Variants in SVOP observed in about 807,000 individuals in gnomAD.
SVOP encodes synaptic vesicle 2-related protein.
SVOP carries 17 observed loss-of-function variants against 69.1 expected under a neutral mutation model. The ratio of observed to expected loss-of-function variants is 0.25; its 90% CI spans 0.17 to 0.37. The LOEUF is 0.37. Ranked by LOEUF, SVOP falls within the 10% of genes least tolerant of loss-of-function variation. The pLI is 1.00. For synonymous variants in SVOP, 238 were observed against 238.6 expected (o/e 1.00, Z 0.02); for missense variants, 435 against 597.5 (o/e 0.73, Z 2.84).
At position 108,911,118 on chromosome 12, in the gene SVOP, T is replaced by A. The variant is rs917402086; in HGVS notation, c.*1417A>T. 2.0e-5 allele frequency: 3 copies of A among 152,118 alleles called. No homozygotes were observed. The highest frequency in any genetic ancestry group is 7.2e-5 in the African/African-American group (3 of 41,420). 9.4% of individuals were successfully genotyped at this position (152,118 alleles called of 1,614,324 possible). On this transcript the variant is annotated 3_prime_UTR_variant, in exon 16 of 16. Transcript: ENST00000610966. Reference sequence around the variant, plus strand: ...CAAAACCAACTGGCCTCCCACTGCTTCCTTTGAAAACATATACATTTCACA... The same window carrying A: ...CAAAACCAACTGGCCTCCCACTGCTACCTTTGAAAACATATACATTTCACA...
chr12:109,007,114 C>T (rs886760217), intron 1 of SVOP, among the ~76,000 whole-genome samples: 1 of 152,094 alleles, frequency 6.6e-6, no homozygotes. Context: ...GGCTCCTCTG[C>T]CAGTGGAAGG....
At chr12:108,973,931 T>G (rs1225574078) in intron 4 of SVOP, among the ~76,000 whole-genome samples, 1 of 152,240 alleles carries the variant, frequency 6.6e-6, no homozygotes. Context: ...AGTCATCTGG[T>G]TTCCAATACC....
At chr12:108,927,059 T>C (rs747316344) in intron 11 of SVOP, among the ~76,000 whole-genome samples, 5 of 152,186 alleles carry the variant, frequency 3.3e-5, no homozygotes, top group Non-Finnish European at 5.9e-5. Flanking sequence ...TATAAAAGGT[T>C]GGGGTTCCCT....
chr12:108,949,535 G>A (rs925583115), intron 6 of SVOP, among the ~76,000 whole-genome samples: 1 of 152,064 alleles, frequency 6.6e-6, no homozygotes, highest in Non-Finnish European at 1.5e-5. Context: ...CTCCCAAAGT[G>A]CTGGGATTAC....
At chr12:108,949,664 TCTC>T (rs1329997397) in intron 6 of SVOP, among the ~76,000 whole-genome samples, 1 of 151,900 alleles carries the variant, frequency 6.6e-6, no homozygotes, top group Non-Finnish European at 1.5e-5. Context: ...TCCTTCCCTC[TCTC>T]CTACCTTTTC....
At position 108,908,736 on chromosome 12, in the gene SVOP, A is replaced by C. The variant is rs1224767132; in HGVS notation, c.*3799T>G. ...AGTGCTGATGAGAGCTCTGTGGCCT[A>C]CACATCCACGGCAGGCTCCTTGCAA... is the stretch of plus-strand genomic sequence containing the variant. On this transcript the variant is annotated 3_prime_UTR_variant, in exon 16 of 16. Transcript: ENST00000610966. 1.3e-5 allele frequency: 2 copies of C among 152,220 alleles called. No homozygotes were observed. Among genetic ancestry groups the C allele is most frequent in the Non-Finnish European group, 2.9e-5 (2 of 68,054 alleles). The allele number at this position is 152,220 out of a possible 1,614,324, so 9.4% of individuals were successfully genotyped here. A position where few individuals can be genotyped will look rare whatever the true frequency, so the allele number is the denominator to read the frequency against.
chr12:108,917,268 T>C (rs900281558), intron 14 of SVOP, among the ~76,000 whole-genome samples: 3 of 152,268 alleles, frequency 2.0e-5, no homozygotes, highest in Non-Finnish European at 4.4e-5. Flanking sequence ...CTGGATTATA[T>C]ATTGCACATA....
chr12:109,016,800 T>G (rs1194653220), intron 1 of SVOP, among the ~76,000 whole-genome samples: 3 of 150,718 alleles, frequency 2.0e-5, no homozygotes, highest in Non-Finnish European at 4.4e-5. Context: ...TGGAGTGCAG[T>G]GTCATGATCA....
intron 12 of SVOP, 62 bp from the exon 13 acceptor site, chr12:108,919,848 C>T (rs929443536): frequency 3.6e-5 from 41 of 1,128,750 alleles, no homozygotes; most frequent in African/African-American, 2.8e-4. Context: ...CCTCCATCCT[C>T]GTAGCACAGC....
At chr12:109,002,982 T>A (rs199492058) in intron 1 of SVOP, among the ~76,000 whole-genome samples, 1 of 104,544 alleles carries the variant, frequency 9.6e-6, no homozygotes, top group African/African-American at 3.6e-5. Context: ...AAATTAAAAA[T>A]AAATAAATAA....
At chr12:108,972,999 C>T (rs1366018607) in intron 4 of SVOP, among the ~76,000 whole-genome samples, 1 of 152,112 alleles carries the variant, frequency 6.6e-6, no homozygotes, top group Non-Finnish European at 1.5e-5. Context: ...TTGAATGATC[C>T]TACTCATATG....
chr12:109,002,556 C>T (rs1192552364), intron 1 of SVOP, among the ~76,000 whole-genome samples: 1 of 147,260 alleles, frequency 6.8e-6, no homozygotes, highest in Non-Finnish European at 1.5e-5. Context: ...TTGGAACCAA[C>T]CCAAATGTCC....
chr12:108,952,981 C>A (rs1250108858), intron 6 of SVOP, among the ~76,000 whole-genome samples: 4 of 151,938 alleles, frequency 2.6e-5, no homozygotes, highest in African/African-American at 9.7e-5. Flanking sequence ...TTAGTCTGAG[C>A]AGAACATTTA....
At chr12:109,010,368 C>A (rs1017114689) in intron 1 of SVOP, among the ~76,000 whole-genome samples, 4 of 152,072 alleles carry the variant, frequency 2.6e-5, no homozygotes, top group Non-Finnish European at 5.9e-5. Context: ...TTTTAGACAG[C>A]CCAGAGAAGA....
At chr12:108,997,585 C>T (rs1485703456) in intron 1 of SVOP, among the ~76,000 whole-genome samples, 33 of 151,300 alleles carry the variant, frequency 2.2e-4, no homozygotes, top group Non-Finnish European at 3.7e-4. Flanking sequence ...AAGAGAGCAG[C>T]GGTTCTCCCA....
At chr12:109,002,724 C>T (rs1037135828) in intron 1 of SVOP, among the ~76,000 whole-genome samples, 23 of 148,700 alleles carry the variant, frequency 1.5e-4, no homozygotes, top group African/African-American at 4.2e-4. Flanking sequence ...AACCAAACAC[C>T]GCGTATTCTC....
At chr12:109,016,847 A>G (rs1226292849) in intron 1 of SVOP, among the ~76,000 whole-genome samples, 5 of 151,754 alleles carry the variant, frequency 3.3e-5, no homozygotes, top group Admixed American at 3.3e-4. Context: ...GGCTCAAGCA[A>G]TCCTCCTGCC....
At chr12:109,018,873 C>T (rs2040382046) in intron 1 of SVOP, among the ~76,000 whole-genome samples, 1 of 152,204 alleles carries the variant, frequency 6.6e-6, no homozygotes, top group South Asian at 2.1e-4. Flanking sequence ...CATACATTAT[C>T]TCATTTGATC....
chr12:108,966,943 A>G (rs1014313395), intron 5 of SVOP, among the ~76,000 whole-genome samples: 2 of 128,782 alleles, frequency 1.6e-5, no homozygotes, highest in Non-Finnish European at 3.3e-5. Context: ...TGGCAGTGGT[A>G]TAATAATAGA....
Sources: gnomAD v4.1 joint callset for allele counts (sites outside exome capture counted in the v4.1 genomes callset) on GRCh38, gnomAD v4.1.1 for gene constraint, MANE v1.5 for transcripts, NCBI Gene and HGNC (gene_info 2026-07-23, HGNC 2026-07-21) for gene names.